The following AMPD3 variants were observed in gnomAD, a reference collection of about 807,000 sequenced individuals.
AMPD3 encodes the protein AMP deaminase 3.
AMPD3 carries 57 observed loss-of-function variants against 82.3 expected under a neutral mutation model. The ratio of observed to expected loss-of-function variants is 0.69; its 90% CI spans 0.56 to 0.86. AMPD3 has a LOEUF of 0.86. Ranked by LOEUF, AMPD3 falls within the 40% of genes least tolerant of loss-of-function variation. The pLI is 0.00. For missense variants in AMPD3, 870 were observed against 1,003.8 expected (o/e 0.87, Z 1.80); for synonymous variants, 381 against 394.7 (o/e 0.97, Z 0.41).
At chr11:10,499,823 C>A (rs1849524845) in intron 10 of AMPD3, 1 of 985,332 alleles carries the variant, frequency 1.0e-6, no homozygotes, top group African/African-American at 1.7e-5. Flanking sequence ...CCACTGTCAC[C>A]ACCACCACAC....
chr11:10,490,952 A>G (rs907092817), intron 6 of AMPD3, among the ~76,000 whole-genome samples: 1 of 152,226 alleles, frequency 6.6e-6, no homozygotes, highest in Non-Finnish European at 1.5e-5. Flanking sequence ...GAATGGCAAG[A>G]TTAATGGCAG....
At chr11:10,496,972 A>G in intron 10 of AMPD3, 34 bp downstream of exon 10, 1 of 1,611,924 alleles carries the variant, frequency 6.2e-7, no homozygotes, top group Middle Eastern at 1.7e-4. Flanking sequence ...CAGGGCTCAT[A>G]GCGGCAGAGG....
Position 10,494,930 on chromosome 11 carries a change from T to TGTATTC in AMPD3, c.1166_1167insGTATTC (p.Phe389delinsLeuTyrSer), listed in dbSNP as rs1188431904. 4 of 1,614,086 alleles carry TGTATTC rather than the reference T, an allele frequency of 2.5e-6. No individual in the cohort carries two copies. The highest frequency in any genetic ancestry group is 3.4e-6 in the Non-Finnish European group (4 of 1,180,036). ...CAGACATTCCACCGCTTTGACAAGT[T>TGTATTC]CAACTCCAAATACAACCCTGTGGGG... On this transcript the variant is annotated protein_altering_variant, in exon 8 of 15. Transcript: ENST00000396553.
intron 4 of AMPD3, among the ~76,000 whole-genome samples, chr11:10,482,691 A>G (rs1306761846): frequency 7.2e-5 from 1 of 13,856 alleles, no homozygotes; most frequent in African/African-American, 3.6e-4. Flanking sequence ...AAAAAAATAT[A>G]TATTATTATG....
In AMPD3 at chr11:10,504,527, CATGCTTTGGG is replaced by C; in HGVS notation, c.2017-21_2017-12del. 6.3e-7 allele frequency: 1 copy of C among 1,599,606 alleles called. No homozygotes were observed. Among genetic ancestry groups the C allele is most frequent in the Non-Finnish European group, 8.6e-7 (1 of 1,166,778 alleles). On this transcript the variant is annotated splice_polypyrimidine_tract_variant and intron_variant, in intron 13 of 14. Transcript: ENST00000396553. ...CATGGATATCCCCCCTTCTAATCCA[CATGCTTTGGG>C]GGAGGATCTAGGAAGCACTTATGGA...
intron 7 of AMPD3, among the ~76,000 whole-genome samples, chr11:10,494,000 G>A (rs1025626104): frequency 6.6e-6 from 1 of 152,214 alleles, no homozygotes; most frequent in African/African-American, 2.4e-5. Context: ...CAAAAGAACT[G>A]AAAGCAGGAA....
intron 2 of AMPD3, chr11:10,478,035 CTG>C (rs1848790665): frequency 1.0e-6 from 1 of 985,454 alleles, no homozygotes; most frequent in Non-Finnish European, 1.2e-6. Context: ...AAATGTCTAA[CTG>C]TGTGAAATGC....
chr11:10,454,005 C>A (rs1040862114), upstream of AMPD3, among the ~76,000 whole-genome samples: 2 of 152,074 alleles, frequency 1.3e-5, no homozygotes, highest in Non-Finnish European at 2.9e-5. Context: ...GAAGCGGGCC[C>A]TGTATCTGGT....
intron 1 of AMPD3, chr11:10,455,868 C>G (rs903163387): frequency 5.1e-6 from 5 of 980,096 alleles, no homozygotes; most frequent in African/African-American, 3.5e-5. Flanking sequence ...GTACCTGAGA[C>G]CAATCCCCTT....
chr11:10,504,577 C>T lies in AMPD3; in HGVS notation c.2045C>T (p.Ala682Val). Residue 682 changes from alanine (A) to valine (V), a missense_variant, in exon 14 of 15, where the codon GCA (alanine) becomes GTA (valine). Coordinates refer to ENST00000396553, the MANE Select transcript of AMPD3 (RefSeq NM_001025389.2). Reference sequence around the variant, plus strand: ...GCACTTATGGAAGAATATGCCATTGCAGCTCAAGTGTGGAAGCTGAGCACC... The same window carrying T: ...GCACTTATGGAAGAATATGCCATTGTAGCTCAAGTGTGGAAGCTGAGCACC... ...KEALMEEYAI[A>V]AQVWKLSTCD... 6.2e-7 allele frequency: 1 copy of T among 1,614,210 alleles called. No homozygotes were observed. The highest frequency in any genetic ancestry group is 8.5e-7 in the Non-Finnish European group (1 of 1,180,028).
chr11:10,456,412 G>A lies in AMPD3; in HGVS notation c.-6+964G>A. The stretch of plus-strand genomic sequence containing the variant: ...ATGGAGCCAGGCTCAGGTCTGTGTC[G>A]GGGCTTCTGCAAGGGGAGTCTGGCA... On this transcript the variant is annotated intron_variant, in intron 1 of 14. Coordinates refer to ENST00000396553, the MANE Select transcript of AMPD3 (RefSeq NM_001025389.2). The surrounding 1 kb of genome is among the most constrained non-coding windows in gnomAD (Gnocchi z 4.3). The A allele has an allele frequency of 6.2e-7, 1 of 1,613,752 alleles. No individual in the cohort carries two copies. The highest frequency in any genetic ancestry group is 1.3e-5 in the African/African-American group (1 of 75,034).
intron 2 of AMPD3, among the ~76,000 whole-genome samples, chr11:10,474,713 C>T (rs928720805): frequency 6.6e-6 from 1 of 152,234 alleles, no homozygotes; most frequent in African/African-American, 2.4e-5. Flanking sequence ...GACAAAACTG[C>T]TCCTGGCCCT....
At chr11:10,482,011 G>T (rs1426953599) in intron 3 of AMPD3, 52 bp from the exon 4 acceptor site, 1 of 1,609,676 alleles carries the variant, frequency 6.2e-7, no homozygotes, top group Admixed American at 1.7e-5. Flanking sequence ...TCCAAGGATG[G>T]CAGTCTCAGG....
At chr11:10,463,021 T>G (rs1234000661) in intron 2 of AMPD3, among the ~76,000 whole-genome samples, 1 of 152,088 alleles carries the variant, frequency 6.6e-6, no homozygotes. Flanking sequence ...GGAGTCTAAG[T>G]GAAATGAGAA....
At chr11:10,466,769 G>A (rs914177941) in intron 2 of AMPD3, among the ~76,000 whole-genome samples, 1 of 152,174 alleles carries the variant, frequency 6.6e-6, no homozygotes, top group African/African-American at 2.4e-5. Context: ...AGTAGGGGCC[G>A]ACAGGCATCT....
rs779768935 is a variant in AMPD3, at chr11:10,493,734, G to A, written c.1134+191G>A. 9.7e-6 allele frequency: 7 copies of A among 720,368 alleles called. 1 individual carries two copies. The South Asian group carries it at 1.1e-4, about 11-fold the overall frequency. The allele number at this position is 720,368 out of a possible 1,614,324, so 44.6% of individuals were successfully genotyped here. ...GGCAGCCATGGGACAGGGAAAGAGG[G>A]TGTGTGGCTTGGGGCCTGACAGGTC... On this transcript the variant is annotated intron_variant, in intron 7 of 14. Coordinates refer to ENST00000396553, the MANE Select transcript of AMPD3 (RefSeq NM_001025389.2).
intron 11 of AMPD3, chr11:10,501,231 G>A (rs183163867): frequency 2.9e-5 from 29 of 985,194 alleles, no homozygotes; most frequent in Middle Eastern, 1.0e-3. Context: ...GGCACAGCAG[G>A]GTCTCTTTCT....
In AMPD3 at chr11:10,478,643, C is replaced by T. The variant is rs753703989; in HGVS notation, c.339C>T (p.Val113=). 1 of 1,614,230 alleles carries T rather than the reference C, an allele frequency of 6.2e-7. No individual in the cohort carries two copies. Among genetic ancestry groups the T allele is most frequent in the Non-Finnish European group, 8.5e-7 (1 of 1,180,032 alleles). ...CCATGTCTCCCACAACCCCTGTGGTCACTGGAGCCACTTCCCTGCCCACGC... is the reference window on the plus strand; with the variant it reads ...CCATGTCTCCCACAACCCCTGTGGTTACTGGAGCCACTTCCCTGCCCACGC... The part of the protein sequence containing the change: ...SPAMSPTTPV[V]TGATSLPTPA... The change falls in exon 3 of 15, where the codon GTC becomes GTT. Residue 113 remains valine, a synonymous_variant. Coordinates refer to ENST00000396553, the MANE Select transcript of AMPD3 (RefSeq NM_001025389.2).
rs891785967 is a variant in AMPD3 at position 10,488,399 on chromosome 11, G to A, written c.939+1035G>A. Reference sequence around the variant, plus strand: ...CTTGCCAGGCAGAGGGTGTGGTAGGGGAATGGAAGTGGTGGCATTCCAGGT... The same window carrying A: ...CTTGCCAGGCAGAGGGTGTGGTAGGAGAATGGAAGTGGTGGCATTCCAGGT... On this transcript the variant is annotated intron_variant, in intron 6 of 14. Coordinates refer to ENST00000396553, the MANE Select transcript of AMPD3 (RefSeq NM_001025389.2). The A allele has an allele frequency of 5.1e-6, 5 of 985,294 alleles. No individual in the cohort carries two copies. The African/African-American group carries it at 8.7e-5, about 17-fold the overall frequency. The allele number at this position is 985,294 out of a possible 1,614,324, so 61.0% of individuals were successfully genotyped here.
Sources: allele counts gnomAD v4.1 joint callset (sites outside exome capture counted in the v4.1 genomes callset), GRCh38; gene constraint gnomAD v4.1.1; non-coding constraint Gnocchi (gnomAD v3.1); transcripts MANE v1.5; gene names NCBI Gene and HGNC (gene_info 2026-07-23, HGNC 2026-07-21).